Variants in PPM1E observed in about 807,000 individuals in gnomAD.
PPM1E encodes protein phosphatase, Mg2+/Mn2+ dependent 1E.
A neutral mutation model predicts 65.9 loss-of-function variants in PPM1E; 20 were observed. The ratio of observed to expected loss-of-function variants is 0.30; its 90% CI spans 0.21 to 0.44. PPM1E has a LOEUF of 0.44. Among genes scored for constraint, PPM1E ranks in the 20% least tolerant of loss-of-function variants. PPM1E has a pLI of 1.00. For synonymous variants in PPM1E, 352 were observed against 374.9 expected, an observed-to-expected ratio of 0.94 and a Z score of 0.70; for missense variants, 713 against 953.1, an observed-to-expected ratio of 0.75 and a Z score of 3.32.
chr17:58,779,591 A>G (rs1291855431), intron 1 of PPM1E, among the ~76,000 whole-genome samples: 1 of 152,144 alleles, frequency 6.6e-6, no homozygotes, highest in Non-Finnish European at 1.5e-5. Context: ...TGTCTCTTGT[A>G]TGAATATTCT....
intron 1 of PPM1E, among the ~76,000 whole-genome samples, chr17:58,882,303 A>G (rs554091529): frequency 6.6e-6 from 1 of 152,348 alleles, no homozygotes; most frequent in African/African-American, 2.4e-5. Flanking sequence ...CTGTTTATTT[A>G]CATACTATTT....
At chr17:58,866,579 G>A (rs1471843313) in intron 1 of PPM1E, among the ~76,000 whole-genome samples, 2 of 152,202 alleles carry the variant, frequency 1.3e-5, no homozygotes, top group African/African-American at 4.8e-5. Context: ...GTCTCCTACA[G>A]TAATAACCAC....
chr17:58,930,869 C>T (rs1212043539), intron 1 of PPM1E, among the ~76,000 whole-genome samples: 2 of 151,844 alleles, frequency 1.3e-5, no homozygotes, highest in Non-Finnish European at 2.9e-5. Context: ...GAATAAAGCT[C>T]AATAGAAAAT....
chr17:58,870,942 C>A (rs1393643393), intron 1 of PPM1E, among the ~76,000 whole-genome samples: 1 of 152,038 alleles, frequency 6.6e-6, no homozygotes, highest in Non-Finnish European at 1.5e-5. Flanking sequence ...CAAGGTGTCA[C>A]CCTTGTGTTG....
rs1435118630 is a variant in PPM1E at position 58,983,625 on chromosome 17, AAAGT to A, written c.*2596_*2599del. The A allele has an allele frequency of 6.6e-6, 1 of 152,610 alleles. No individual in the cohort carries two copies. Among genetic ancestry groups the A allele is most frequent in the African/African-American group, 2.4e-5 (1 of 41,424 alleles). The allele number at this position is 152,610 out of a possible 1,614,324, so 9.5% of individuals were successfully genotyped here. A position where few individuals can be genotyped will look rare whatever the true frequency, so the allele number is the denominator to read the frequency against. ...ATTGTAAAAATATTAGACAGATATAAAAGTATCTATATAATATCTATAAACTGTT... is the reference window on the plus strand; with the variant it reads ...ATTGTAAAAATATTAGACAGATATAAATCTATATAATATCTATAAACTGTT... On this transcript the variant is annotated 3_prime_UTR_variant, in exon 7 of 7. Transcript: ENST00000308249.
intron 1 of PPM1E, among the ~76,000 whole-genome samples, chr17:58,943,908 A>G (rs1296978238): frequency 6.6e-6 from 1 of 152,232 alleles, no homozygotes; most frequent in African/African-American, 2.4e-5. Flanking sequence ...CCTGGTACAT[A>G]GTAGGCCTCA....
chr17:58,837,329 A>ACATACC lies in PPM1E; in HGVS notation c.464+80873_464+80874insCCATAC, dbSNP rs1204641384. 5.1e-5 allele frequency among the ~76,000 whole-genome samples: 7 copies of ACATACC among 137,764 alleles called. No homozygotes were observed. In the East Asian group the frequency reaches 1.3e-3, roughly 25 times the overall value. The allele number at this position is 137,764 out of a possible 152,430, so 90.4% of individuals were successfully genotyped here. The stretch of plus-strand genomic sequence containing the variant: ...GTCAGAGAATGAGAATAACACACAC[A>ACATACC]CATACACACACACACACACACACAC... On this transcript the variant is annotated intron_variant, in intron 1 of 6. Transcript: ENST00000308249.
intron 1 of PPM1E, among the ~76,000 whole-genome samples, chr17:58,763,764 T>G (rs1354376564): frequency 1.3e-5 from 2 of 152,196 alleles, no homozygotes; most frequent in African/African-American, 4.8e-5. Context: ...AGCTTGTATT[T>G]TAACACAGTT....
chr17:58,938,891 C>T (rs973285746), intron 1 of PPM1E, among the ~76,000 whole-genome samples: 3 of 149,766 alleles, frequency 2.0e-5, no homozygotes, highest in South Asian at 4.2e-4. Context: ...TGGATTCAAG[C>T]GATTCTTCTG....
At chr17:58,976,744 C>T (rs2031021789) in intron 6 of PPM1E, among the ~76,000 whole-genome samples, 2 of 152,276 alleles carry the variant, frequency 1.3e-5, no homozygotes, top group Non-Finnish European at 1.5e-5. Context: ...AGGTGAAAAG[C>T]CAGAACTTTG....
At chr17:58,787,062 C>T (rs553660322) in intron 1 of PPM1E, among the ~76,000 whole-genome samples, 5 of 152,262 alleles carry the variant, frequency 3.3e-5, no homozygotes, top group African/African-American at 9.6e-5. Context: ...GCAGCTGATG[C>T]GGACCTCTGG....
intron 1 of PPM1E, among the ~76,000 whole-genome samples, chr17:58,818,010 A>T (rs907791559): frequency 2.0e-5 from 3 of 152,150 alleles, no homozygotes; most frequent in East Asian, 3.8e-4. Context: ...AAGTGCTGGG[A>T]TTACAGACGT....
At chr17:58,777,351 G>A (rs914860527) in intron 1 of PPM1E, among the ~76,000 whole-genome samples, 7 of 152,054 alleles carry the variant, frequency 4.6e-5, no homozygotes, top group African/African-American at 1.7e-4. Flanking sequence ...TGAATTATCC[G>A]TGGAACTCAA....
rs930981234 is a variant in PPM1E, at chr17:58,853,608, A to AC, written c.464+97149dup. ...TGTGGGAGGCTGGGATGGGTGGATCACCTGAGGTCAGAGGTTTAAGACCAG... is the reference window on the plus strand; with the variant it reads ...TGTGGGAGGCTGGGATGGGTGGATCACCCTGAGGTCAGAGGTTTAAGACCAG... On this transcript the variant is annotated intron_variant, in intron 1 of 6. Transcript: ENST00000308249. Among the ~76,000 whole-genome samples, 19 of 152,254 alleles carry AC rather than the reference A, an allele frequency of 1.2e-4. No homozygotes were observed. The South Asian group carries it at 3.3e-3, about 27-fold the overall frequency.
chr17:58,978,664 T>C (rs1379084717), intron 6 of PPM1E, among the ~76,000 whole-genome samples: 1 of 152,072 alleles, frequency 6.6e-6, no homozygotes, highest in African/African-American at 2.4e-5. Flanking sequence ...TGACCCGAGA[T>C]TGTGCCACTG....
chr17:58,820,617 C>T (rs1174024172), intron 1 of PPM1E, among the ~76,000 whole-genome samples: 1 of 152,150 alleles, frequency 6.6e-6, no homozygotes, highest in Non-Finnish European at 1.5e-5. Flanking sequence ...GACTTTAAAA[C>T]ACTGACAGAC....
chr17:58,876,904 C>G (rs899819761), intron 1 of PPM1E, among the ~76,000 whole-genome samples: 3 of 152,136 alleles, frequency 2.0e-5, no homozygotes, highest in African/African-American at 7.2e-5. Flanking sequence ...CTGCCTCAGC[C>G]TCCCGAGTAG....
chr17:58,967,993 AG>A (rs2030365635), intron 3 of PPM1E, among the ~76,000 whole-genome samples: 1 of 151,926 alleles, frequency 6.6e-6, no homozygotes, highest in Non-Finnish European at 1.5e-5. Flanking sequence ...TAGTAGAGAC[AG>A]GGTTTCACCA....
chr17:58,838,704 C>G (rs761649541), intron 1 of PPM1E, among the ~76,000 whole-genome samples: 1 of 152,146 alleles, frequency 6.6e-6, no homozygotes. Context: ...TGTAAACTTA[C>G]GTCCACACAG....
Sources: gnomAD v4.1 joint callset for allele counts (sites outside exome capture counted in the v4.1 genomes callset) on GRCh38, gnomAD v4.1.1 for gene constraint, MANE v1.5 for transcripts, NCBI Gene and HGNC (gene_info 2026-07-23, HGNC 2026-07-21) for gene names.